Variants in NTRK2 observed in about 807,000 individuals in gnomAD.
NTRK2 encodes BDNF/NT-3 growth factors receptor.
In NTRK2, 13 loss-of-function variants were observed where a neutral mutation model predicts 94.5. That is an observed-to-expected ratio of 0.14 (90% CI 0.09 to 0.22). The LOEUF is 0.22. Ranked by LOEUF, NTRK2 falls within the 10% of genes least tolerant of loss-of-function variation. The pLI, the probability that NTRK2 is intolerant of heterozygous loss-of-function variation, is 1.00. For synonymous variants in NTRK2, 372 were observed against 407.4 expected (o/e 0.91, Z 1.05); for missense variants, 639 against 1,071.2 (o/e 0.60, Z 5.63).
intron 12 of NTRK2, chr9:84,813,899 G>T: frequency 9.4e-7 from 1 of 1,065,408 alleles, no homozygotes; most frequent in Non-Finnish European, 1.1e-6. Context: ...GCTCAATGGG[G>T]GCCTCCAGAG....
At chr9:84,892,399 C>T (rs1462694985) in intron 14 of NTRK2, among the ~76,000 whole-genome samples, 1 of 152,174 alleles carries the variant, frequency 6.6e-6, no homozygotes, top group Non-Finnish European at 1.5e-5. Flanking sequence ...AACCTGACTT[C>T]TAAAGAGTAG....
At chr9:84,739,364 T>C (rs770137701) in intron 9 of NTRK2, among the ~76,000 whole-genome samples, 6 of 152,244 alleles carry the variant, frequency 3.9e-5, no homozygotes, top group Non-Finnish European at 7.3e-5. Context: ...GCCTATTTTT[T>C]AGATTATGGG....
intron 5 of NTRK2, among the ~76,000 whole-genome samples, chr9:84,709,275 C>T (rs2061288729): frequency 6.6e-6 from 1 of 152,188 alleles, no homozygotes. Context: ...GTCATATGAA[C>T]ATTGCTGTAT....
intron 10 of NTRK2, among the ~76,000 whole-genome samples, chr9:84,744,725 T>A (rs2063915982): frequency 2.0e-5 from 3 of 152,028 alleles, no homozygotes; most frequent in South Asian, 4.2e-4. Flanking sequence ...CTGAACCAGG[T>A]TTGGGGCTGA....
chr9:84,962,460 G>A (rs1255522756), intron 17 of NTRK2, among the ~76,000 whole-genome samples: 2 of 151,956 alleles, frequency 1.3e-5, no homozygotes, highest in East Asian at 3.9e-4. Context: ...AAGAATGCTA[G>A]CAGTAGATGG....
At chr9:84,763,931 G>T (rs2065821007) in intron 12 of NTRK2, among the ~76,000 whole-genome samples, 1 of 151,716 alleles carries the variant, frequency 6.6e-6, no homozygotes, top group Non-Finnish European at 1.5e-5. Flanking sequence ...CTAGGCAGTT[G>T]TCCTGTAGAA....
At chr9:84,856,234 A>G (rs1448719719) in intron 12 of NTRK2, among the ~76,000 whole-genome samples, 5 of 152,194 alleles carry the variant, frequency 3.3e-5, no homozygotes, top group Non-Finnish European at 7.3e-5. Flanking sequence ...CCTTTGTGTC[A>G]TGATTTCCAG....
At chr9:84,752,691 T>G (rs1253891411) in intron 12 of NTRK2, among the ~76,000 whole-genome samples, 1 of 152,234 alleles carries the variant, frequency 6.6e-6, no homozygotes, top group Non-Finnish European at 1.5e-5. Flanking sequence ...CTTGTCTTTT[T>G]TTAGAGGATG....
intron 11 of NTRK2, 104 bp downstream of exon 11, chr9:84,745,177 T>A: frequency 1.4e-6 from 1 of 738,242 alleles, no homozygotes; most frequent in Non-Finnish European, 2.3e-6. Context: ...TGTTCAGATA[T>A]AAATAGGGTG....
In NTRK2 at chr9:84,752,043, T is replaced by C. The variant is rs1227694041; in HGVS notation, c.1354T>C (p.Phe452Leu). Residue 452 changes from phenylalanine to leucine, a missense_variant, in exon 12 of 19, where the codon TTT (phenylalanine) becomes CTT (leucine). Transcript: ENST00000277120. ...GGGATTTTGCCTTTTGGTAATGCTG[T>C]TTCTGCTTAAGTTGGCAAGACACTC... ...VVGFCLLVMLFLLKLARHSKF... is the reference protein window; with the variant it reads ...VVGFCLLVMLLLLKLARHSKF... 6.2e-7 allele frequency: 1 copy of C among 1,613,990 alleles called. No individual in the cohort carries two copies. The highest frequency in any genetic ancestry group is 8.5e-7 in the Non-Finnish European group (1 of 1,180,006).
chr9:84,702,258 T>G (rs1332775458), intron 3 of NTRK2, 25 bp downstream of exon 3: 4 of 1,613,090 alleles, frequency 2.5e-6, no homozygotes, highest in Admixed American at 1.7e-5. Flanking sequence ...CCAGGGCACA[T>G]TATCTCAGAG....
chr9:84,804,456 G>A (rs1242431889), intron 12 of NTRK2, among the ~76,000 whole-genome samples: 1 of 152,126 alleles, frequency 6.6e-6, no homozygotes, highest in Admixed American at 6.5e-5. Context: ...TTGGTCAATG[G>A]CCTACAGTTT....
chr9:84,707,712 G>C, intron 4 of NTRK2, 132 bp from the exon 5 acceptor site: 1 of 690,644 alleles, frequency 1.4e-6, no homozygotes, highest in Non-Finnish European at 2.5e-6. Context: ...AAGAGAGAGA[G>C]ATCTGGATGT....
intron 14 of NTRK2, among the ~76,000 whole-genome samples, chr9:84,906,188 A>C (rs765264901): frequency 6.6e-5 from 10 of 152,164 alleles, no homozygotes; most frequent in Non-Finnish European, 1.5e-4. Flanking sequence ...GTAAAGAGGA[A>C]AAAATAAGAG....
chr9:84,949,513 G>C (rs1242250712), intron 16 of NTRK2, among the ~76,000 whole-genome samples: 1 of 152,022 alleles, frequency 6.6e-6, no homozygotes, highest in African/African-American at 2.4e-5. Flanking sequence ...TGTCACCCAG[G>C]CTGGAGTGCA....
intron 14 of NTRK2, among the ~76,000 whole-genome samples, chr9:84,911,024 A>G (rs2077221688): frequency 6.6e-6 from 1 of 152,210 alleles, no homozygotes; most frequent in Non-Finnish European, 1.5e-5. Context: ...TGTCTAATCC[A>G]TGAACATAGT....
chr9:84,771,751 C>T (rs770194996), intron 12 of NTRK2, among the ~76,000 whole-genome samples: 32 of 152,086 alleles, frequency 2.1e-4, no homozygotes, highest in Non-Finnish European at 4.3e-4. Flanking sequence ...GGACAAAGTC[C>T]CTTTTTAGTA....
intron 13 of NTRK2, among the ~76,000 whole-genome samples, chr9:84,865,883 G>A (rs886464753): frequency 4.6e-5 from 7 of 152,192 alleles, no homozygotes; most frequent in East Asian, 1.9e-4. Context: ...TGCCGTCTTC[G>A]TTGGTTTGAA....
chr9:84,678,377 A>G (rs2059186426), intron 2 of NTRK2, among the ~76,000 whole-genome samples: 3 of 152,230 alleles, frequency 2.0e-5, no homozygotes, highest in Admixed American at 2.0e-4. Flanking sequence ...ATAAACGAAC[A>G]ATGTAAACAA....
Sources: allele counts gnomAD v4.1 joint callset (sites outside exome capture counted in the v4.1 genomes callset), GRCh38; gene constraint gnomAD v4.1.1; transcripts MANE v1.5; gene names NCBI Gene and HGNC (gene_info 2026-07-23, HGNC 2026-07-21).